Variants in CNKSR2 observed in about 807,000 individuals in gnomAD.
CNKSR2 encodes CNK homolog protein 2.
In CNKSR2, 14 loss-of-function variants were observed where a neutral mutation model predicts 84.4. That is an observed-to-expected ratio of 0.17 (90% CI 0.11 to 0.26). The LOEUF is 0.26. Among genes scored for constraint, CNKSR2 ranks in the 10% least tolerant of loss-of-function variants. The probability of loss-of-function intolerance (pLI) is 1.00; values close to 1 mark genes in which losing one functional copy is unlikely to be tolerated. For missense variants in CNKSR2, 485 were observed against 771.2 expected (o/e 0.63, Z 4.40); for synonymous variants, 275 against 277.9 (o/e 0.99, Z 0.10).
chrX:21,581,996 T>C (rs1293476251), intron 13 of CNKSR2, among the ~76,000 whole-genome samples: 2 of 111,743 alleles, frequency 1.8e-5, no homozygotes, highest in Non-Finnish European at 1.9e-5. Flanking sequence ...TCATCAGTAT[T>C]GACACAGGGT....
chrX:21,640,625 A>T (rs976616298), intron 20 of CNKSR2, among the ~76,000 whole-genome samples: 4 of 111,623 alleles, frequency 3.6e-5, no homozygotes, highest in Non-Finnish European at 7.5e-5. Context: ...TGCTTTCTCT[A>T]TTCTCTCTCC....
chrX:21,384,002 T>A (rs1425188849), intron 1 of CNKSR2, among the ~76,000 whole-genome samples: 1 of 112,170 alleles, frequency 8.9e-6, no homozygotes, highest in Non-Finnish European at 1.9e-5. Context: ...TTTATGTGTA[T>A]ATAGGAACTT....
intron 13 of CNKSR2, among the ~76,000 whole-genome samples, chrX:21,584,711 T>G (rs1346892209): frequency 1.8e-5 from 2 of 111,178 alleles, no homozygotes; most frequent in African/African-American, 6.5e-5. Flanking sequence ...GGTGAAGGTC[T>G]TGGGATGGGA....
chrX:21,433,653 TACACACACACACACACAC>T (rs56377458), intron 3 of CNKSR2, among the ~76,000 whole-genome samples: 5 of 87,553 alleles, frequency 5.7e-5, no homozygotes, highest in Non-Finnish European at 9.2e-5. Context: ...TATGTGTTCC[TACACACACACACACACAC>T]ACACACACAC....
Position 21,490,449 on chromosome X carries a change from G to T in CNKSR2, c.562-10G>T, listed in dbSNP as rs1163574058. ...ATTTACCACAACTATTTTTGTTTTT[G>T]TGCTTCCAGTGTAAAACTCTTTCTG... On this transcript the variant is annotated splice_polypyrimidine_tract_variant and intron_variant, in intron 5 of 21. Coordinates refer to ENST00000379510, the MANE Select transcript of CNKSR2 (RefSeq NM_014927.5). The T allele has an allele frequency of 3.4e-6, 4 of 1,190,633 alleles. No homozygotes were observed. The highest frequency in any genetic ancestry group is 1.8e-5 in the African/African-American group (1 of 56,929).
chrX:21,510,057 T>A (rs1447579973), intron 8 of CNKSR2, among the ~76,000 whole-genome samples: 3 of 111,406 alleles, frequency 2.7e-5, no homozygotes, highest in African/African-American at 9.8e-5. Context: ...TTAAGTCTCT[T>A]CAGTGCTCTT....
intron 9 of CNKSR2, among the ~76,000 whole-genome samples, chrX:21,520,272 T>C (rs934120054): frequency 2.7e-5 from 3 of 111,315 alleles, no homozygotes; most frequent in Non-Finnish European, 5.7e-5. Flanking sequence ...TAATAATATC[T>C]GGAAGCTTTA....
intron 4 of CNKSR2, among the ~76,000 whole-genome samples, chrX:21,445,539 A>AT (rs1457363144): frequency 9.0e-6 from 1 of 110,537 alleles, no homozygotes; most frequent in Non-Finnish European, 1.9e-5. Context: ...GAACACTAGG[A>AT]TTTTTTCCTC....
intron 18 of CNKSR2, among the ~76,000 whole-genome samples, chrX:21,604,311 T>C (rs937218443): frequency 2.7e-5 from 3 of 109,258 alleles, no homozygotes; most frequent in African/African-American, 6.7e-5. Context: ...CACCGGGGCC[T>C]GCTGTGGAGT....
chrX:21,389,416 A>G (rs2090016796), intron 1 of CNKSR2, among the ~76,000 whole-genome samples: 1 of 110,621 alleles, frequency 9.0e-6, no homozygotes, highest in Non-Finnish European at 1.9e-5. Context: ...TCTTTATACT[A>G]TTTTTTGCAA....
intron 20 of CNKSR2, among the ~76,000 whole-genome samples, chrX:21,632,624 A>G (rs1431955921): frequency 8.9e-6 from 1 of 111,941 alleles, no homozygotes; most frequent in Non-Finnish European, 1.9e-5. Context: ...TTATATGACA[A>G]TATTCCTAAA....
chrX:21,409,450 G>T (rs1414590049), intron 1 of CNKSR2, among the ~76,000 whole-genome samples: 1 of 106,992 alleles, frequency 9.3e-6, no homozygotes, highest in African/African-American at 3.4e-5. Flanking sequence ...AGGGAACCAA[G>T]GGAAAGCAGT....
chrX:21,429,681 T>G (rs1219795189), intron 2 of CNKSR2: 1 of 111,504 alleles, frequency 9.0e-6, no homozygotes, highest in African/African-American at 3.3e-5. Flanking sequence ...GCAGATCACT[T>G]GAGCCTAGGA....
intron 11 of CNKSR2, among the ~76,000 whole-genome samples, chrX:21,532,657 A>G (rs1367275879): frequency 9.0e-6 from 1 of 111,225 alleles, no homozygotes; most frequent in African/African-American, 3.3e-5. Flanking sequence ...TTGATTCATG[A>G]CCGAAAAAGT....
intron 3 of CNKSR2, among the ~76,000 whole-genome samples, chrX:21,434,634 T>G (rs67968315): frequency 0.052 from 5,766 of 111,358 alleles, 398 homozygotes; most frequent in African/African-American, 0.18. Flanking sequence ...TAGGATTAAT[T>G]TGATGTTATA....
chrX:21,636,099 G>T (rs963596687), intron 20 of CNKSR2, among the ~76,000 whole-genome samples: 2 of 111,334 alleles, frequency 1.8e-5, no homozygotes, highest in African/African-American at 3.3e-5. Flanking sequence ...TGATAGAGTT[G>T]ATCCCAATTT....
intron 20 of CNKSR2, among the ~76,000 whole-genome samples, chrX:21,621,577 G>A (rs2092601939): frequency 9.0e-6 from 1 of 111,141 alleles, no homozygotes; most frequent in African/African-American, 3.3e-5. Context: ...AAAGACCAAG[G>A]ACAGAGATTT....
intron 3 of CNKSR2, among the ~76,000 whole-genome samples, chrX:21,433,607 GA>G (rs2090665228): frequency 9.4e-6 from 1 of 106,889 alleles, no homozygotes; most frequent in South Asian, 4.2e-4. Flanking sequence ...TACATTACCA[GA>G]ATTCTTTCTT....
chrX:21,391,256 G>A (rs941992783), intron 1 of CNKSR2, among the ~76,000 whole-genome samples: 7 of 112,721 alleles, frequency 6.2e-5, no homozygotes, highest in African/African-American at 2.3e-4. Flanking sequence ...CCCCAGTGGG[G>A]ACTCTGTGTG....
Sources: gnomAD v4.1 joint callset for allele counts (sites outside exome capture counted in the v4.1 genomes callset) on GRCh38, gnomAD v4.1.1 for gene constraint, MANE v1.5 for transcripts, NCBI Gene and HGNC (gene_info 2026-07-23, HGNC 2026-07-21) for gene names.